Variants in BEND6 observed in about 807,000 individuals in gnomAD.
BEND6 encodes the protein BEN domain containing 6.
BEND6 carries 24 observed loss-of-function variants against 31.8 expected under a neutral mutation model. The ratio of observed to expected loss-of-function variants is 0.75; its 90% CI spans 0.55 to 1.06. BEND6 has a LOEUF of 1.06. BEND6 is among the 50% of genes least tolerant of loss of function. BEND6 has a pLI of 0.00. For synonymous variants in BEND6, 109 were observed against 114.6 expected, an observed-to-expected ratio of 0.95 and a Z score of 0.31; for missense variants, 294 against 327.4, an observed-to-expected ratio of 0.90 and a Z score of 0.79.
intron 6 of BEND6, among the ~76,000 whole-genome samples, chr6:57,024,779 T>C (rs1052732567): frequency 1.3e-5 from 2 of 152,254 alleles, no homozygotes; most frequent in African/African-American, 4.8e-5. Context: ...TCTGTTACTA[T>C]TTTTTAAAAA....
intron 3 of BEND6, among the ~76,000 whole-genome samples, chr6:57,000,884 G>GAA (rs142783287): frequency 0.031 from 3,073 of 99,680 alleles, 167 homozygotes; most frequent in African/African-American, 0.12. Context: ...CACTTCCTCT[G>GAA]AAAAAAAAAA....
intron 1 of BEND6, among the ~76,000 whole-genome samples, chr6:56,959,548 C>T (rs1449367898): frequency 6.6e-6 from 1 of 152,084 alleles, no homozygotes; most frequent in Non-Finnish European, 1.5e-5. Context: ...TTTACATGTG[C>T]TTGTATTAAA....
intron 3 of BEND6, chr6:57,014,576 A>G: frequency 7.6e-7 from 1 of 1,310,490 alleles, no homozygotes; most frequent in East Asian, 2.7e-5. Context: ...ATTGATTACC[A>G]AAATTCATCT....
At chr6:56,964,329 A>G (rs867220894) in intron 1 of BEND6, among the ~76,000 whole-genome samples, 3 of 152,190 alleles carry the variant, frequency 2.0e-5, no homozygotes, top group African/African-American at 7.2e-5. Context: ...TAAGCTTTCT[A>G]TCTTTTCATA....
At position 57,010,710 on chromosome 6, in the gene BEND6, A is replaced by G. The variant is rs1827315005; in HGVS notation, c.299-4423A>G. 3 of 901,774 alleles carry G rather than the reference A, an allele frequency of 3.3e-6. No homozygotes were observed. In the Admixed American group the frequency reaches 1.9e-4, roughly 56 times the overall value. 55.9% of individuals were successfully genotyped at this position (901,774 alleles called of 1,614,324 possible). ...AAGTTTAAAAAATATATCCAGGAAAACAGCCTACTTATGAAAAGATATTTA... is the reference window on the plus strand; with the variant it reads ...AAGTTTAAAAAATATATCCAGGAAAGCAGCCTACTTATGAAAAGATATTTA... On this transcript the variant is annotated intron_variant, in intron 3 of 6. Coordinates refer to ENST00000370746, the MANE Select transcript of BEND6 (RefSeq NM_152731.3).
intron 6 of BEND6, among the ~76,000 whole-genome samples, chr6:57,024,827 G>T (rs1200657804): frequency 6.6e-6 from 1 of 152,114 alleles, no homozygotes; most frequent in African/African-American, 2.4e-5. Flanking sequence ...ATTCCCTCTT[G>T]AATAATAATA....
At chr6:56,966,909 CA>C (rs907368575) in intron 1 of BEND6, among the ~76,000 whole-genome samples, 2 of 151,448 alleles carry the variant, frequency 1.3e-5, no homozygotes, top group African/African-American at 2.4e-5. Context: ...AAGAAAAGAG[CA>C]AAAAAAATAA....
intron 1 of BEND6, among the ~76,000 whole-genome samples, chr6:56,978,338 T>A (rs1437579762): frequency 6.6e-6 from 1 of 152,094 alleles, no homozygotes; most frequent in Non-Finnish European, 1.5e-5. Context: ...TTTTTTTGTA[T>A]ACTCACAGTA....
rs779096033 is a variant in BEND6 at position 57,015,371 on chromosome 6, C to T, written c.519+18C>T. ...AGAAACAGGTCAGTTGTAATACCCGCCTTATTGTTCTTTGGAATATGCTTA... is the reference window on the plus strand; with the variant it reads ...AGAAACAGGTCAGTTGTAATACCCGTCTTATTGTTCTTTGGAATATGCTTA... On this transcript the variant is annotated intron_variant, in intron 4 of 6. Coordinates refer to ENST00000370746, the MANE Select transcript of BEND6 (RefSeq NM_152731.3). The T allele has an allele frequency of 5.1e-6, 8 of 1,579,642 alleles. No individual in the cohort carries two copies. The highest frequency in any genetic ancestry group is 1.7e-5 in the Admixed American group (1 of 58,656).
intron 3 of BEND6, chr6:57,008,309 C>T (rs185915416): frequency 2.0e-5 from 14 of 696,374 alleles, no homozygotes; most frequent in Admixed American, 4.1e-5. Flanking sequence ...TTTTGGCTTG[C>T]TCCAGGTTGG....
chr6:57,019,857 G>A (rs1174025099), intron 6 of BEND6, among the ~76,000 whole-genome samples: 1 of 152,218 alleles, frequency 6.6e-6, no homozygotes, highest in East Asian at 1.9e-4. Context: ...GGTTTGGGAG[G>A]CTGAGACAGA....
At chr6:57,002,158 C>A (rs1407547574) in intron 3 of BEND6, among the ~76,000 whole-genome samples, 1 of 152,142 alleles carries the variant, frequency 6.6e-6, no homozygotes, top group Non-Finnish European at 1.5e-5. Context: ...AATAAGAAGA[C>A]TTAACTATCC....
At chr6:56,961,291 A>G (rs1022763049) in intron 1 of BEND6, among the ~76,000 whole-genome samples, 1 of 152,206 alleles carries the variant, frequency 6.6e-6, no homozygotes, top group African/African-American at 2.4e-5. Context: ...TTTCTGTTCT[A>G]AACTATAAAA....
intron 2 of BEND6, 85 bp from the exon 3 acceptor site, chr6:56,992,293 T>C (rs1826533330): frequency 1.4e-6 from 2 of 1,400,506 alleles, no homozygotes; most frequent in African/African-American, 2.9e-5. Flanking sequence ...AAATTTGTAG[T>C]CCCAACAACA....
intron 3 of BEND6, chr6:57,010,334 G>A (rs1827302732): frequency 6.6e-6 from 1 of 152,334 alleles, no homozygotes; most frequent in Middle Eastern, 3.4e-3. Context: ...TTATATGGAA[G>A]AGACAGCAAC....
At chr6:56,989,718 T>C (rs1227513579) in intron 2 of BEND6, among the ~76,000 whole-genome samples, 1 of 152,230 alleles carries the variant, frequency 6.6e-6, no homozygotes, top group East Asian at 1.9e-4. Context: ...TTCATATATT[T>C]ATAAGCCCTA....
chr6:56,978,254 G>T (rs1825958301), intron 1 of BEND6, among the ~76,000 whole-genome samples: 1 of 152,100 alleles, frequency 6.6e-6, no homozygotes. Flanking sequence ...CTGCACTCCA[G>T]CCTGGGTGAG....
intron 3 of BEND6, among the ~76,000 whole-genome samples, chr6:56,995,720 A>G (rs1414017512): frequency 6.6e-6 from 1 of 152,176 alleles, no homozygotes; most frequent in Admixed American, 6.5e-5. Flanking sequence ...GCATTATATT[A>G]GGGCCCACCC....
chr6:57,018,997 G>T (rs1375099601), intron 6 of BEND6, among the ~76,000 whole-genome samples: 1 of 152,126 alleles, frequency 6.6e-6, no homozygotes, highest in African/African-American at 2.4e-5. Flanking sequence ...GAAGTACATC[G>T]ATGAGACTGA....
Sources: allele counts gnomAD v4.1 joint callset (sites outside exome capture counted in the v4.1 genomes callset), GRCh38; gene constraint gnomAD v4.1.1; transcripts MANE v1.5; gene names NCBI Gene and HGNC (gene_info 2026-07-23, HGNC 2026-07-21).